Variants in CUTA observed in about 807,000 individuals in gnomAD.
CUTA encodes protein CutA.
Under a neutral mutation model 20.7 loss-of-function variants are expected in CUTA, and 21 were observed. That is an observed-to-expected ratio of 1.01 (90% CI 0.72 to 1.46). The LOEUF is 1.46. CUTA is among the 40% of genes most tolerant of loss of function. The probability of loss-of-function intolerance (pLI) is 0.00; values close to 1 mark genes in which losing one functional copy is unlikely to be tolerated. For synonymous variants in CUTA, 99 were observed against 97.9 expected, an observed-to-expected ratio of 1.01 and a Z score of -0.07; for missense variants, 231 against 226.8, an observed-to-expected ratio of 1.02 and a Z score of -0.12.
intron 1 of CUTA, 86 bp from the exon 2 acceptor site, chr6:33,417,781 T>C (rs1776603449): frequency 3.7e-5 from 57 of 1,546,788 alleles, no homozygotes; most frequent in Non-Finnish European, 4.9e-5. Context: ...ATCCTCAGGC[T>C]CTGCCCTCCC....
chr6:33,417,075 G>C, intron 4 of CUTA, 22 bp downstream of exon 4: 1 of 1,611,502 alleles, frequency 6.2e-7, no homozygotes, highest in Non-Finnish European at 8.5e-7. Flanking sequence ...ATATTTTGTT[G>C]GGTGGGGGAA....
chr6:33,417,787 C>T (rs1241064402), intron 1 of CUTA, 92 bp from the exon 2 acceptor site: 1 of 1,545,208 alleles, frequency 6.5e-7, no homozygotes, highest in Non-Finnish European at 8.7e-7. Context: ...AGGCTCTGCC[C>T]TCCCTCTGAT....
At chr6:33,417,890 G>A (rs1776608893) in intron 1 of CUTA, 69 bp downstream of exon 1, 1 of 1,575,622 alleles carries the variant, frequency 6.3e-7, no homozygotes, top group Non-Finnish European at 8.6e-7. Flanking sequence ...CCAACCTCTG[G>A]GATTTAGGGT....
chr6:33,417,645 G>A lies in CUTA; in HGVS notation c.93C>T (p.Ala31=), dbSNP rs1407447597. The A allele has an allele frequency of 6.2e-7, 1 of 1,612,818 alleles. No homozygotes were observed. The highest frequency in any genetic ancestry group is 8.5e-7 in the Non-Finnish European group (1 of 1,179,324). ...CTCGGGGTAGCAACAAAAGGCGGGA[G>A]GCCACAGGCAGCAGCGCCGGCATCC... ...FVWMPALLPV[A]SRLLLLPRVL... is the part of the protein sequence containing the mutation. Residue 31 remains alanine (A), a synonymous_variant, in exon 2 of 6, where the codon GCC becomes GCT. Coordinates refer to ENST00000488034, the MANE Select transcript of CUTA (RefSeq NM_001014840.2).
Position 33,416,626 on chromosome 6 carries a change from C to A in CUTA, c.*24G>T. ...GGCGTTGAAGTATCGCGGGGATCTTCATGATGAGCAGGAACAGGGCTCATC... is the reference window on the plus strand; with the variant it reads ...GGCGTTGAAGTATCGCGGGGATCTTAATGATGAGCAGGAACAGGGCTCATC... On this transcript the variant is annotated 3_prime_UTR_variant, in exon 6 of 6. Transcript: ENST00000488034. 7.3e-7 allele frequency: 1 copy of A among 1,368,490 alleles called. No homozygotes were observed. The highest frequency in any genetic ancestry group is 1.0e-6 in the Non-Finnish European group (1 of 956,442). 84.8% of individuals were successfully genotyped at this position (1,368,490 alleles called of 1,614,324 possible). A position where few individuals can be genotyped will look rare whatever the true frequency, so the allele number is the denominator to read the frequency against.
chr6:33,416,843 C>T, intron 5 of CUTA, 67 bp from the exon 6 acceptor site: 1 of 1,605,202 alleles, frequency 6.2e-7, no homozygotes, highest in Non-Finnish European at 8.5e-7. Flanking sequence ...CACTCCCTTA[C>T]ACGCAAGCCC....
chr6:33,416,843 C>A (rs1413161783), intron 5 of CUTA, 67 bp from the exon 6 acceptor site: 5 of 1,605,086 alleles, frequency 3.1e-6, no homozygotes, highest in South Asian at 1.1e-5. Flanking sequence ...CACTCCCTTA[C>A]ACGCAAGCCC....
rs781342305 is a variant in CUTA at position 33,416,578 on chromosome 6, C to T, written c.*72G>A. The T allele has an allele frequency of 2.2e-6, 2 of 910,098 alleles. No individual in the cohort carries two copies. Among genetic ancestry groups the T allele is most frequent in the Admixed American group, 3.6e-5 (2 of 55,530 alleles). 56.4% of individuals were successfully genotyped at this position (910,098 alleles called of 1,614,324 possible). A position where few individuals can be genotyped will look rare whatever the true frequency, so the allele number is the denominator to read the frequency against. On this transcript the variant is annotated 3_prime_UTR_variant, in exon 6 of 6. Coordinates refer to ENST00000488034, the MANE Select transcript of CUTA (RefSeq NM_001014840.2). ...CCAAAGACGGGATTTATTGGGGGCC[C>T]AGTCATCACCTGGAAGTCAGAAGGC...
chr6:33,417,412 C>A, intron 2 of CUTA, 69 bp downstream of exon 2: 1 of 1,612,112 alleles, frequency 6.2e-7, no homozygotes, highest in Non-Finnish European at 8.5e-7. Flanking sequence ...GAGAAAGCAG[C>A]ACTCTTCTGC....
Position 33,417,317 on chromosome 6 carries a change from T to A in CUTA, c.258-7A>T, listed in dbSNP as rs1010489520. Reference sequence around the variant, plus strand: ...GCGCTTCTCCACCACGGCCCTGGAGTGAAGAGACAGTCCCATTCAGAGTAC... The same window carrying A: ...GCGCTTCTCCACCACGGCCCTGGAGAGAAGAGACAGTCCCATTCAGAGTAC... On this transcript the variant is annotated splice_polypyrimidine_tract_variant and splice_region_variant and intron_variant, in intron 2 of 5. Transcript: ENST00000488034. The A allele has an allele frequency of 3.7e-6, 6 of 1,613,880 alleles. No homozygotes were observed. The highest frequency in any genetic ancestry group is 5.1e-6 in the Non-Finnish European group (6 of 1,180,006).
At position 33,416,841 on chromosome 6, in the gene CUTA, T is replaced by TA. The variant is rs1292789844; in HGVS notation, c.414-66dup. On this transcript the variant is annotated intron_variant, in intron 5 of 5. Transcript: ENST00000488034. ...ATTTACCCAAAAGAACCCACTCCCT[T>TA]ACACGCAAGCCCTAGACTGCCCAGC... 2.5e-6 allele frequency: 4 copies of TA among 1,606,310 alleles called. No homozygotes were observed. The African/African-American group carries it at 5.4e-5, about 22-fold the overall frequency.
intron 5 of CUTA, 29 bp from the exon 6 acceptor site, chr6:33,416,805 A>G (rs1360278363): frequency 1.3e-5 from 21 of 1,610,996 alleles, no homozygotes; most frequent in Non-Finnish European, 1.7e-5. Flanking sequence ...GGGGAAGGGG[A>G]TCACTCAAAG....
intron 5 of CUTA, 25 bp from the exon 6 acceptor site, chr6:33,416,801 G>A (rs1334026958): frequency 1.2e-6 from 2 of 1,611,798 alleles, no homozygotes; most frequent in African/African-American, 1.3e-5. Flanking sequence ...GGTGGGGGAA[G>A]GGGATCACTC....
chr6:33,417,693 G>A lies in CUTA; in HGVS notation c.45C>T (p.Ala15=), dbSNP rs557612907. ...RAPAVLLGGV[A]SLLLSFVWMP... is the part of the protein sequence containing the mutation. Reference sequence around the variant, plus strand: ...TCCAAACAAAAGACAGGAGCAGAGAGGCCTGAGAGCAGGAGGCGAATTCGA... The same window carrying A: ...TCCAAACAAAAGACAGGAGCAGAGAAGCCTGAGAGCAGGAGGCGAATTCGA... The change falls in exon 2 of 6, where the codon GCC becomes GCT. Residue 15 remains alanine (A), a splice_region_variant and synonymous_variant. Transcript: ENST00000488034. The A allele has an allele frequency of 5.7e-5, 91 of 1,603,782 alleles. 1 individual carries two copies. In the South Asian group the frequency reaches 8.9e-4, roughly 16 times the overall value.
intron 2 of CUTA, 47 bp downstream of exon 2, chr6:33,417,434 C>A: frequency 6.2e-7 from 1 of 1,612,604 alleles, no homozygotes. Flanking sequence ...CCACCCCCAA[C>A]TGTCCCTTCA....
In CUTA at chr6:33,416,455, T is replaced by G; in HGVS notation, c.*195A>C. Reference sequence around the variant, plus strand: ...AATAAACAAATCTAGCAGCTCTGAGTCATTCTGAAAGATGTAGAGAATACA... The same window carrying G: ...AATAAACAAATCTAGCAGCTCTGAGGCATTCTGAAAGATGTAGAGAATACA... On this transcript the variant is annotated 3_prime_UTR_variant, in exon 6 of 6. Transcript: ENST00000488034. 1.7e-6 allele frequency: 1 copy of G among 584,068 alleles called. No homozygotes were observed. The highest frequency in any genetic ancestry group is 3.1e-6 in the Non-Finnish European group (1 of 322,514). 36.2% of individuals were successfully genotyped at this position (584,068 alleles called of 1,614,324 possible). A position where few individuals can be genotyped will look rare whatever the true frequency, so the allele number is the denominator to read the frequency against.
chr6:33,417,156 G>A lies in CUTA; in HGVS notation c.318-14C>T. On this transcript the variant is annotated splice_polypyrimidine_tract_variant and intron_variant, in intron 3 of 5. Transcript: ENST00000488034. ...TTCCACTCATAGCTGAAAGGTCAGA[G>A]GGGGAGAGTTGTGGGGAGCAAAGAA... 3 of 1,612,276 alleles carry A rather than the reference G, an allele frequency of 1.9e-6. No individual in the cohort carries two copies. The highest frequency in any genetic ancestry group is 2.5e-6 in the Non-Finnish European group (3 of 1,178,684).
intron 1 of CUTA, 87 bp downstream of exon 1, chr6:33,417,872 T>C (rs1297220698): frequency 6.4e-7 from 1 of 1,560,414 alleles, no homozygotes; most frequent in Non-Finnish European, 8.7e-7. Flanking sequence ...CACTCACACC[T>C]CAGGGGGCCA....
chr6:33,417,011 T>C (rs372253130), intron 4 of CUTA, 42 bp from the exon 5 acceptor site: 8 of 1,613,334 alleles, frequency 5.0e-6, no homozygotes, highest in Non-Finnish European at 5.9e-6. Flanking sequence ...AGGAGTGGGA[T>C]TGAGTTCAGT....
Sources: allele counts gnomAD v4.1 joint callset, GRCh38; gene constraint gnomAD v4.1.1; transcripts MANE v1.5; gene names NCBI Gene and HGNC (gene_info 2026-07-23, HGNC 2026-07-21).